Variants in GALNT2 observed in about 807,000 individuals in gnomAD.
The protein encoded by GALNT2 is polypeptide N-acetylgalactosaminyltransferase 2.
In GALNT2, 31 loss-of-function variants were observed where a neutral mutation model predicts 81.4. The observed-to-expected ratio is 0.38, with a 90% CI of 0.29 to 0.51. The LOEUF is 0.51. GALNT2 is among the 20% of genes least tolerant of loss of function. GALNT2 has a pLI of 0.87. For missense variants in GALNT2, 629 were observed against 765.7 expected, an observed-to-expected ratio of 0.82 and a Z score of 2.11; for synonymous variants, 303 against 287.4, an observed-to-expected ratio of 1.05 and a Z score of -0.55.
At chr1:230,249,732 G>A (rs2102747587) in intron 9 of GALNT2, among the ~76,000 whole-genome samples, 1 of 152,330 alleles carries the variant, frequency 6.6e-6, no homozygotes, top group South Asian at 2.1e-4. Context: ...TGAGAGTCAG[G>A]ATGCCTTCTC....
chr1:230,060,725 T>G (rs1659026234), intron 1 of GALNT2, among the ~76,000 whole-genome samples: 1 of 152,242 alleles, frequency 6.6e-6, no homozygotes, highest in Admixed American at 6.5e-5. Flanking sequence ...CACTCTTCCC[T>G]GAATGTCTAT....
chr1:230,109,218 C>T (rs1440146396), intron 1 of GALNT2, among the ~76,000 whole-genome samples: 2 of 152,222 alleles, frequency 1.3e-5, no homozygotes, highest in South Asian at 2.1e-4. Context: ...AGATGGGATG[C>T]AGCTGCCCAG....
intron 1 of GALNT2, among the ~76,000 whole-genome samples, chr1:230,133,598 C>T (rs772887304): frequency 7.9e-5 from 12 of 151,972 alleles, no homozygotes; most frequent in African/African-American, 1.7e-4. Flanking sequence ...GGATTATAGG[C>T]GCCCGCCACC....
At chr1:230,235,967 C>T in intron 3 of GALNT2, 47 bp from the exon 4 acceptor site, 1 of 1,572,260 alleles carries the variant, frequency 6.4e-7, no homozygotes, top group Non-Finnish European at 8.7e-7. Flanking sequence ...CAAGCTGTGG[C>T]TGCTCTGGGG....
At chr1:230,213,050 A>G (rs1054796182) in intron 3 of GALNT2, among the ~76,000 whole-genome samples, 4 of 152,250 alleles carry the variant, frequency 2.6e-5, no homozygotes, top group African/African-American at 9.6e-5. Flanking sequence ...GGCTGCCCAC[A>G]TGTGTGGCTC....
At chr1:230,097,470 T>C (rs1178020307) in intron 1 of GALNT2, among the ~76,000 whole-genome samples, 1 of 152,212 alleles carries the variant, frequency 6.6e-6, no homozygotes, top group African/African-American at 2.4e-5. Context: ...CTACTCTAGA[T>C]ACTTCTATTA....
intron 1 of GALNT2, among the ~76,000 whole-genome samples, chr1:230,084,004 G>C (rs1157790237): frequency 6.6e-6 from 1 of 152,226 alleles, no homozygotes; most frequent in Non-Finnish European, 1.5e-5. Flanking sequence ...GTACATGCCT[G>C]TGAAGGTGAG....
At chr1:230,103,720 A>T (rs1267901897) in intron 1 of GALNT2, among the ~76,000 whole-genome samples, 1 of 139,870 alleles carries the variant, frequency 7.1e-6, no homozygotes, top group South Asian at 2.2e-4. Context: ...ACACACACAA[A>T]GCCAAAAGGA....
chr1:230,085,225 C>T (rs930903956), intron 1 of GALNT2, among the ~76,000 whole-genome samples: 3 of 152,172 alleles, frequency 2.0e-5, no homozygotes, highest in Non-Finnish European at 2.9e-5. Context: ...GACAGTGACC[C>T]TGTGGGGCAG....
At chr1:230,251,412 C>T (rs187396561) in intron 10 of GALNT2, among the ~76,000 whole-genome samples, 1 of 152,146 alleles carries the variant, frequency 6.6e-6, no homozygotes, top group African/African-American at 2.4e-5. Flanking sequence ...AAAGAAAAGA[C>T]TAGCCTAGCC....
intron 1 of GALNT2, among the ~76,000 whole-genome samples, chr1:230,079,603 C>G (rs757172432): frequency 6.6e-6 from 1 of 152,256 alleles, no homozygotes; most frequent in Non-Finnish European, 1.5e-5. Flanking sequence ...CTCTTGCTGA[C>G]GCAGAGCTGC....
At chr1:230,120,647 C>T (rs767422686) in intron 1 of GALNT2, among the ~76,000 whole-genome samples, 2 of 152,172 alleles carry the variant, frequency 1.3e-5, no homozygotes, top group African/African-American at 2.4e-5. Flanking sequence ...GACTCAGGGA[C>T]GCACAGCTCC....
chr1:230,060,862 G>A (rs986229169), intron 1 of GALNT2, among the ~76,000 whole-genome samples: 1 of 152,116 alleles, frequency 6.6e-6, no homozygotes, highest in African/African-American at 2.4e-5. Flanking sequence ...AGCCAGTGGG[G>A]CCCCTTCAAG....
intron 1 of GALNT2, among the ~76,000 whole-genome samples, chr1:230,163,475 T>C (rs1662500873): frequency 6.6e-6 from 1 of 152,200 alleles, no homozygotes; most frequent in South Asian, 2.1e-4. Flanking sequence ...TCTCAGGCGG[T>C]TGTGTGGCTC....
intron 3 of GALNT2, among the ~76,000 whole-genome samples, chr1:230,231,012 T>A (rs142443121): frequency 1.1e-3 from 168 of 152,310 alleles, no homozygotes; most frequent in Non-Finnish European, 1.3e-3. Context: ...CCTTTGCATC[T>A]CCTGAGCCCT....
intron 1 of GALNT2, among the ~76,000 whole-genome samples, chr1:230,176,505 T>G (rs1662984226): frequency 6.6e-6 from 1 of 152,180 alleles, no homozygotes; most frequent in Non-Finnish European, 1.5e-5. Flanking sequence ...GTGGGAATTA[T>G]CAGCCACAAT....
At chr1:230,276,844 G>C (rs1402530687) in intron 15 of GALNT2, among the ~76,000 whole-genome samples, 9 of 152,148 alleles carry the variant, frequency 5.9e-5, no homozygotes, top group Non-Finnish European at 1.2e-4. Context: ...TCACTCATTG[G>C]CCCCTCGAGA....
At chr1:230,078,458 A>G (rs1659628758) in intron 1 of GALNT2, among the ~76,000 whole-genome samples, 1 of 152,238 alleles carries the variant, frequency 6.6e-6, no homozygotes, top group African/African-American at 2.4e-5. Flanking sequence ...TATTTTTGTA[A>G]AAAGCAGCTC....
At chr1:230,109,593 C>T (rs1243378166) in intron 1 of GALNT2, among the ~76,000 whole-genome samples, 1 of 152,040 alleles carries the variant, frequency 6.6e-6, no homozygotes, top group Admixed American at 6.5e-5. Context: ...TTCGGGAGGC[C>T]GAGGCAGGTG....
Sources: gnomAD v4.1 joint callset for allele counts (sites outside exome capture counted in the v4.1 genomes callset) on GRCh38, gnomAD v4.1.1 for gene constraint, MANE v1.5 for transcripts, NCBI Gene and HGNC (gene_info 2026-07-23, HGNC 2026-07-21) for gene names.